ZMAT4: variants seen among roughly 807,000 people sequenced by gnomAD.
ZMAT4 encodes zinc finger matrin-type protein 4.
Under a neutral mutation model 28.7 loss-of-function variants are expected in ZMAT4, and 17 were observed. That is an observed-to-expected ratio of 0.59 (90% CI 0.41 to 0.89). The LOEUF (loss-of-function observed/expected upper bound fraction) is 0.89, where lower values mean the gene tolerates loss of function less well. ZMAT4 is among the 40% of genes least tolerant of loss of function. The pLI, the probability that ZMAT4 is intolerant of heterozygous loss-of-function variation, is 0.00. For synonymous variants in ZMAT4, 117 were observed against 109.2 expected, an observed-to-expected ratio of 1.07 and a Z score of -0.44; for missense variants, 240 against 283.8, an observed-to-expected ratio of 0.85 and a Z score of 1.11.
At chr8:40,735,169 T>C (rs1031710003) in intron 3 of ZMAT4, among the ~76,000 whole-genome samples, 22 of 152,214 alleles carry the variant, frequency 1.4e-4, no homozygotes, top group Admixed American at 1.3e-3. Flanking sequence ...ACAGTCAACT[T>C]GTATAAATGA....
At chr8:40,734,306 A>G (rs4554450) in intron 3 of ZMAT4, among the ~76,000 whole-genome samples, 36,623 of 152,026 alleles carry the variant, frequency 0.24, 4,953 homozygotes, top group East Asian at 0.56. Flanking sequence ...ACCCTGGCAC[A>G]TTATTAAATG....
chr8:40,652,763 A>T (rs1388711249), intron 5 of ZMAT4, among the ~76,000 whole-genome samples: 3 of 129,930 alleles, frequency 2.3e-5, no homozygotes, highest in Non-Finnish European at 5.0e-5. Flanking sequence ...ATAAAAAATG[A>T]TGAGTTCATG....
At chr8:40,731,987 G>A (rs1424524354) in intron 3 of ZMAT4, among the ~76,000 whole-genome samples, 5 of 152,160 alleles carry the variant, frequency 3.3e-5, no homozygotes, top group African/African-American at 7.2e-5. Flanking sequence ...GGCAAATACT[G>A]TGCGATTCCA....
chr8:40,669,568 C>T (rs1235557352), intron 5 of ZMAT4, among the ~76,000 whole-genome samples: 2 of 152,092 alleles, frequency 1.3e-5, no homozygotes, highest in African/African-American at 2.4e-5. Flanking sequence ...AGTACTTCCA[C>T]TTAACATATA....
At chr8:40,557,913 T>C (rs1455792265) in intron 6 of ZMAT4, among the ~76,000 whole-genome samples, 1 of 152,148 alleles carries the variant, frequency 6.6e-6, no homozygotes, top group Non-Finnish European at 1.5e-5. Context: ...GATGGGAATA[T>C]AATGGGGGTT....
At chr8:40,626,285 T>G (rs1220263060) in intron 5 of ZMAT4, among the ~76,000 whole-genome samples, 1 of 151,214 alleles carries the variant, frequency 6.6e-6, no homozygotes, top group Non-Finnish European at 1.5e-5. Context: ...GTGCAGCTAG[T>G]GAGGAGAAAA....
At chr8:40,744,951 T>C (rs192102504) in intron 3 of ZMAT4, among the ~76,000 whole-genome samples, 94 of 152,182 alleles carry the variant, frequency 6.2e-4, no homozygotes, top group Non-Finnish European at 2.5e-4. Context: ...GATCCTTACA[T>C]AAGAAAGGCA....
chr8:40,615,222 A>G (rs1348400588), intron 5 of ZMAT4, among the ~76,000 whole-genome samples: 1 of 152,094 alleles, frequency 6.6e-6, no homozygotes, highest in Non-Finnish European at 1.5e-5. Flanking sequence ...TGGGTTGAAA[A>G]TTCTTTTCTT....
At chr8:40,611,528 G>T (rs1764260301) in intron 5 of ZMAT4, among the ~76,000 whole-genome samples, 1 of 152,134 alleles carries the variant, frequency 6.6e-6, no homozygotes, top group African/African-American at 2.4e-5. Context: ...TTTTAGTAGA[G>T]ATGGGGTTTC....
chr8:40,822,764 T>C (rs569308853), intron 2 of ZMAT4, among the ~76,000 whole-genome samples: 82 of 152,306 alleles, frequency 5.4e-4, no homozygotes, highest in African/African-American at 1.9e-3. Flanking sequence ...TACCTCTGCC[T>C]GGAAGAAGGG....
At chr8:40,570,904 T>C (rs182195870) in intron 6 of ZMAT4, among the ~76,000 whole-genome samples, 62 of 152,214 alleles carry the variant, frequency 4.1e-4, no homozygotes, top group Admixed American at 4.1e-3. Context: ...AATAAACTTC[T>C]CAGAACCACA....
chr8:40,720,489 G>A (rs993608431), intron 3 of ZMAT4, among the ~76,000 whole-genome samples: 5 of 151,572 alleles, frequency 3.3e-5, no homozygotes, highest in Admixed American at 2.0e-4. Flanking sequence ...CTAGATCACA[G>A]GCCAGATAAA....
chr8:40,754,611 G>T (rs1426746247), intron 3 of ZMAT4, among the ~76,000 whole-genome samples: 3 of 152,000 alleles, frequency 2.0e-5, no homozygotes, highest in African/African-American at 4.8e-5. Context: ...CCACCTGGGG[G>T]TATAGTTTGG....
chr8:40,622,447 C>A (rs754723117), intron 5 of ZMAT4, among the ~76,000 whole-genome samples: 1 of 152,198 alleles, frequency 6.6e-6, no homozygotes, highest in Non-Finnish European at 1.5e-5. Context: ...AGAACACTGG[C>A]AGAATTAGCT....
intron 1 of ZMAT4, among the ~76,000 whole-genome samples, chr8:40,894,441 G>C (rs1471769359): frequency 1.3e-5 from 2 of 152,104 alleles, no homozygotes; most frequent in African/African-American, 4.8e-5. Flanking sequence ...CAGGAAGGAA[G>C]AAACAAAAAG....
At chr8:40,695,409 A>T (rs4332117) in intron 4 of ZMAT4, among the ~76,000 whole-genome samples, 147,936 of 152,260 alleles carry the variant, frequency 0.97, 72,011 homozygotes, top group East Asian at 1. Context: ...TGGGAGGGCA[A>T]GCTGCAGAAG....
At chr8:40,640,966 A>G (rs1434845539) in intron 5 of ZMAT4, among the ~76,000 whole-genome samples, 1 of 151,900 alleles carries the variant, frequency 6.6e-6, no homozygotes, top group African/African-American at 2.4e-5. Context: ...TCAAAAAAAA[A>G]AAAAGAAAGA....
At chr8:40,779,520 C>T (rs1268594777) in intron 2 of ZMAT4, among the ~76,000 whole-genome samples, 2 of 152,074 alleles carry the variant, frequency 1.3e-5, no homozygotes, top group African/African-American at 2.4e-5. Context: ...AGGGGACTGC[C>T]GGAGGTCAAA....
At chr8:40,806,243 T>G (rs1357520597) in intron 2 of ZMAT4, among the ~76,000 whole-genome samples, 1 of 152,228 alleles carries the variant, frequency 6.6e-6, no homozygotes, top group African/African-American at 2.4e-5. Flanking sequence ...ACTGGGGCAC[T>G]TGGAGTTTCA....
Sources: allele counts gnomAD v4.1 joint callset (sites outside exome capture counted in the v4.1 genomes callset), GRCh38; gene constraint gnomAD v4.1.1; transcripts MANE v1.5; gene names NCBI Gene and HGNC (gene_info 2026-07-23, HGNC 2026-07-21).